SRGAP2: variants seen among roughly 807,000 people sequenced by gnomAD.
SRGAP2 encodes SLIT-ROBO Rho GTPase activating protein 2, also known as SLIT-ROBO Rho GTPase-activating protein 2.
SRGAP2 carries 15 observed loss-of-function variants against 57.2 expected under a neutral mutation model. The observed-to-expected ratio is 0.26, with a 90% CI of 0.18 to 0.40. The LOEUF (loss-of-function observed/expected upper bound fraction) is 0.40, where lower values mean the gene tolerates loss of function less well. Among genes scored for constraint, SRGAP2 ranks in the 10% least tolerant of loss-of-function variants. SRGAP2 has a pLI of 1.00. For missense variants in SRGAP2, 520 were observed against 669.6 expected, an observed-to-expected ratio of 0.78 and a Z score of 2.47; for synonymous variants, 249 against 248.0, an observed-to-expected ratio of 1.00 and a Z score of -0.04.
At chr1:206,212,019 ATTTC>A (rs1571575716) in intron 2 of SRGAP2, among the ~76,000 whole-genome samples, 1 of 151,172 alleles carries the variant, frequency 6.6e-6, no homozygotes, top group Non-Finnish European at 1.5e-5. Context: ...ATATGTCCAA[ATTTC>A]TTTCTTTTTT....
At chr1:206,415,543 T>C (rs1659622351) in intron 10 of SRGAP2, among the ~76,000 whole-genome samples, 1 of 152,154 alleles carries the variant, frequency 6.6e-6, no homozygotes, top group Non-Finnish European at 1.5e-5. Context: ...AGGTGACAGA[T>C]AGCAGGTGTG....
At chr1:206,440,230 C>A in intron 17 of SRGAP2, 149 bp downstream of exon 17, 1 of 599,230 alleles carries the variant, frequency 1.7e-6, no homozygotes, top group South Asian at 2.1e-5. Flanking sequence ...TTATTTAATA[C>A]ATCGTTAAAT....
At position 206,418,656 on chromosome 1, in the gene SRGAP2, T is replaced by G. The variant is rs185402130; in HGVS notation, c.1442-717T>G. 7.9e-4 allele frequency among the ~76,000 whole-genome samples: 120 copies of G among 152,138 alleles called. 1 individual carries two copies. Among genetic ancestry groups the G allele is most frequent in the African/African-American group, 2.7e-3 (112 of 41,478 alleles). ...GAATACTTCTCATGAACTTGAAGATTTTCAGTTTCATTTTTTTAAAAGCTA... is the reference window on the plus strand; with the variant it reads ...GAATACTTCTCATGAACTTGAAGATGTTCAGTTTCATTTTTTTAAAAGCTA... On this transcript the variant is annotated intron_variant, in intron 11 of 22. Transcript: ENST00000573034.
chr1:206,331,579 T>G (rs1313430346), intron 3 of SRGAP2, among the ~76,000 whole-genome samples: 1 of 150,172 alleles, frequency 6.7e-6, no homozygotes, highest in East Asian at 2.0e-4. Flanking sequence ...TCTTTGTCTC[T>G]TTTGATCTTT....
chr1:206,307,910 G>A lies in SRGAP2; in HGVS notation c.260+4437G>A, dbSNP rs1371645221. 2.0e-5 allele frequency among the ~76,000 whole-genome samples: 3 copies of A among 151,870 alleles called. No individual in the cohort carries two copies. The South Asian group carries it at 6.2e-4, about 32-fold the overall frequency. On this transcript the variant is annotated intron_variant, in intron 3 of 22. Coordinates refer to ENST00000573034, the MANE Select transcript of SRGAP2 (RefSeq NM_015326.5). Reference sequence around the variant, plus strand: ...CCAGAAAGGGGCTCCCACAGTGCAGGGGGGGGTGCTGAAGGGCTCCTCGAA... The same window carrying A: ...CCAGAAAGGGGCTCCCACAGTGCAGAGGGGGGTGCTGAAGGGCTCCTCGAA...
At chr1:206,373,847 G>A (rs1654948578) in intron 4 of SRGAP2, among the ~76,000 whole-genome samples, 1 of 146,842 alleles carries the variant, frequency 6.8e-6, no homozygotes, top group Middle Eastern at 3.4e-3. Context: ...ATTAAAATGG[G>A]AACTAGATAA....
At chr1:206,227,338 T>C (rs553235373) in intron 2 of SRGAP2, among the ~76,000 whole-genome samples, 1 of 152,368 alleles carries the variant, frequency 6.6e-6, no homozygotes, top group East Asian at 1.9e-4. Context: ...AGAGATTTTT[T>C]GAAAGGCATA....
At chr1:206,291,353 G>A (rs1671308996) in intron 2 of SRGAP2, among the ~76,000 whole-genome samples, 1 of 152,180 alleles carries the variant, frequency 6.6e-6, no homozygotes, top group African/African-American at 2.4e-5. Flanking sequence ...CCTTTTAATG[G>A]AGGCTTACTA....
chr1:206,419,519 A>G, intron 12 of SRGAP2, 119 bp downstream of exon 12: 2 of 729,586 alleles, frequency 2.7e-6, no homozygotes, highest in South Asian at 1.5e-5. Context: ...TTACAAAGCA[A>G]TGGCCTGGGG....
chr1:206,231,517 C>T (rs1302902867), intron 2 of SRGAP2, among the ~76,000 whole-genome samples: 1 of 151,804 alleles, frequency 6.6e-6, no homozygotes, highest in Non-Finnish European at 1.5e-5. Context: ...GAACTCTTGG[C>T]CTCTCTGATA....
chr1:206,214,485 G>A (rs1553302974), intron 2 of SRGAP2: 2 of 149,446 alleles, frequency 1.3e-5, no homozygotes, highest in Non-Finnish European at 3.0e-5. Flanking sequence ...TAAGTTCTAC[G>A]TGTTGCTCAT....
chr1:206,343,124 C>G, intron 4 of SRGAP2, 116 bp downstream of exon 4: 1 of 448,632 alleles, frequency 2.2e-6, no homozygotes, highest in South Asian at 2.5e-5. Flanking sequence ...TACACCAGAC[C>G]CCCATGACAT....
chr1:206,454,191 G>T lies in SRGAP2; in HGVS notation c.2361-687G>T. 1.4e-6 allele frequency: 1 copy of T among 702,278 alleles called. No homozygotes were observed. The highest frequency in any genetic ancestry group is 2.6e-6 in the Non-Finnish European group (1 of 384,916). 43.5% of individuals were successfully genotyped at this position (702,278 alleles called of 1,614,324 possible). Reference sequence around the variant, plus strand: ...CACCCTCCCAGCCTCTTCCCGGCTCGTTCTGCAGGGAAATCCTCCCTCTGT... The same window carrying T: ...CACCCTCCCAGCCTCTTCCCGGCTCTTTCTGCAGGGAAATCCTCCCTCTGT... On this transcript the variant is annotated intron_variant, in intron 20 of 22. Transcript: ENST00000573034. This position sits in a 1 kb window ranked among gnomAD's most constrained non-coding sequence, Gnocchi z 4.3.
At chr1:206,432,385 A>G (rs782601500) in intron 14 of SRGAP2, among the ~76,000 whole-genome samples, 2 of 152,238 alleles carry the variant, frequency 1.3e-5, no homozygotes, top group South Asian at 4.1e-4. Context: ...ACAAAACTTC[A>G]TATGCACTTA....
At chr1:206,258,160 C>T (rs1303480783) in intron 2 of SRGAP2, among the ~76,000 whole-genome samples, 1 of 150,848 alleles carries the variant, frequency 6.6e-6, no homozygotes, top group African/African-American at 2.4e-5. Context: ...TTAATTAAAT[C>T]AGGGGTCAGC....
rs1207452419 is a variant in SRGAP2 at position 206,305,615 on chromosome 1, G to T, written c.260+2142G>T. Among the ~76,000 whole-genome samples the T allele has an allele frequency of 1.3e-5, 2 of 151,416 alleles. 1 individual carries two copies. The highest frequency in any genetic ancestry group is 4.9e-5 in the African/African-American group (2 of 40,708). Reference sequence around the variant, plus strand: ...CTGTATAAGTTAGTTTGATCTTCTGGTGTCCCACGGTGCCTAGTATAATAT... The same window carrying T: ...CTGTATAAGTTAGTTTGATCTTCTGTTGTCCCACGGTGCCTAGTATAATAT... On this transcript the variant is annotated intron_variant, in intron 3 of 22. Coordinates refer to ENST00000573034, the MANE Select transcript of SRGAP2 (RefSeq NM_015326.5).
intron 2 of SRGAP2, among the ~76,000 whole-genome samples, chr1:206,208,674 C>T (rs1666113457): frequency 6.6e-6 from 1 of 152,172 alleles, no homozygotes; most frequent in East Asian, 1.9e-4. Flanking sequence ...TGGCTCTGCC[C>T]CCGACTAGCT....
intron 12 of SRGAP2, among the ~76,000 whole-genome samples, chr1:206,419,635 G>A (rs192081844): frequency 4.6e-5 from 7 of 152,178 alleles, no homozygotes; most frequent in African/African-American, 1.7e-4. Flanking sequence ...GAGTAAAAGG[G>A]GTTATCATTT....
Position 206,454,139 on chromosome 1 carries a change from T to C in SRGAP2, c.2361-739T>C. On this transcript the variant is annotated intron_variant, in intron 20 of 22. Transcript: ENST00000573034. This position sits in a 1 kb window ranked among gnomAD's most constrained non-coding sequence, Gnocchi z 4.3. ...TAGTCCTTCCCTTAATATTATTTTT[T>C]AAAGGTTGATATCCTGAGTGAGTCT... is the stretch of plus-strand genomic sequence containing the variant. 1 of 702,392 alleles carries C rather than the reference T, an allele frequency of 1.4e-6. No individual in the cohort carries two copies. Among genetic ancestry groups the C allele is most frequent in the South Asian group, 1.5e-5 (1 of 67,570 alleles). The allele number at this position is 702,392 out of a possible 1,614,324, so 43.5% of individuals were successfully genotyped here. A position where few individuals can be genotyped will look rare whatever the true frequency, so the allele number is the denominator to read the frequency against.
Sources: gnomAD v4.1 joint callset for allele counts (sites outside exome capture counted in the v4.1 genomes callset) on GRCh38, gnomAD v4.1.1 for gene constraint, Gnocchi (gnomAD v3.1) non-coding constraint, MANE v1.5 for transcripts, NCBI Gene and HGNC (gene_info 2026-07-23, HGNC 2026-07-21) for gene names.